The following GABRG3 variants were observed in gnomAD, a reference collection of about 807,000 sequenced individuals.
The protein encoded by GABRG3 is gamma-aminobutyric acid receptor subunit gamma-3.
GABRG3 carries 25 observed loss-of-function variants against 48.8 expected under a neutral mutation model. That is an observed-to-expected ratio of 0.51 (90% CI 0.37 to 0.72). The LOEUF (loss-of-function observed/expected upper bound fraction) is 0.72, where lower values mean the gene tolerates loss of function less well. GABRG3 is among the 30% of genes least tolerant of loss of function. The probability of loss-of-function intolerance (pLI) is 0.00; values close to 1 mark genes in which losing one functional copy is unlikely to be tolerated. For missense variants in GABRG3, 394 were observed against 577.9 expected (o/e 0.68, Z 3.26); for synonymous variants, 227 against 217.6 (o/e 1.04, Z -0.38).
At chr15:26,989,767 C>T (rs1039119285) in intron 2 of GABRG3, among the ~76,000 whole-genome samples, 3 of 152,042 alleles carry the variant, frequency 2.0e-5, no homozygotes, top group Non-Finnish European at 4.4e-5. Context: ...CTGTCCCCAC[C>T]TTCCCCTCCT....
At chr15:27,019,366 A>C (rs929415173) in intron 2 of GABRG3, among the ~76,000 whole-genome samples, 2 of 151,988 alleles carry the variant, frequency 1.3e-5, no homozygotes, top group Admixed American at 1.3e-4. Flanking sequence ...CACCGCGCCC[A>C]GCCTAGAGTC....
chr15:26,974,661 C>T lies in GABRG3; in HGVS notation c.54-2341C>T, dbSNP rs1354472015. Among the ~76,000 whole-genome samples, 1 of 151,916 alleles carries T rather than the reference C, an allele frequency of 6.6e-6. No homozygotes were observed. The highest frequency in any genetic ancestry group is 2.4e-5 in the African/African-American group (1 of 41,320). On this transcript the variant is annotated intron_variant, in intron 1 of 9. Transcript: ENST00000615808. This position sits in a 1 kb window ranked among gnomAD's most constrained non-coding sequence, Gnocchi z 4.3. ...GCCTGATTCTGCTGAGATGAGCTAC[C>T]GGCCTCTCCTCACTGCCCCAGATGC...
At chr15:27,251,061 G>A (rs1890439480) in intron 3 of GABRG3, among the ~76,000 whole-genome samples, 1 of 152,194 alleles carries the variant, frequency 6.6e-6, no homozygotes, top group South Asian at 2.1e-4. Flanking sequence ...GCTCTGACGT[G>A]AATCGACTGC....
intron 3 of GABRG3, among the ~76,000 whole-genome samples, chr15:27,301,822 A>T (rs150212805): frequency 3.7e-4 from 56 of 152,262 alleles, no homozygotes; most frequent in African/African-American, 1.3e-3. Flanking sequence ...GCAGTCAGAT[A>T]AAAATGACAC....
At chr15:27,383,326 G>T (rs1895832240) in intron 5 of GABRG3, among the ~76,000 whole-genome samples, 1 of 152,172 alleles carries the variant, frequency 6.6e-6, no homozygotes, top group African/African-American at 2.4e-5. Context: ...TCTTTCGCTT[G>T]TTGAATCTAG....
At chr15:27,159,851 C>A (rs903399190) in intron 3 of GABRG3, among the ~76,000 whole-genome samples, 3 of 152,170 alleles carry the variant, frequency 2.0e-5, no homozygotes, top group Admixed American at 6.5e-5. Flanking sequence ...GTCCAGAAGG[C>A]GATTAAGTCC....
intron 3 of GABRG3, among the ~76,000 whole-genome samples, chr15:27,165,984 A>G (rs1243620369): frequency 1.3e-5 from 2 of 152,236 alleles, no homozygotes; most frequent in Non-Finnish European, 2.9e-5. Flanking sequence ...GGAGAGCAAG[A>G]CACCAGACAG....
intron 5 of GABRG3, among the ~76,000 whole-genome samples, chr15:27,356,738 T>G (rs1321959672): frequency 1.3e-5 from 2 of 152,172 alleles, no homozygotes; most frequent in African/African-American, 4.8e-5. Flanking sequence ...TAAATCCTGG[T>G]GTACCCACAC....
At chr15:27,378,840 T>C (rs1032085659) in intron 5 of GABRG3, among the ~76,000 whole-genome samples, 1 of 152,150 alleles carries the variant, frequency 6.6e-6, no homozygotes, top group Admixed American at 6.5e-5. Context: ...AGAAAGTTAT[T>C]TGTGAACAGA....
intron 3 of GABRG3, among the ~76,000 whole-genome samples, chr15:27,037,720 C>T (rs942459244): frequency 6.6e-5 from 10 of 152,194 alleles, no homozygotes; most frequent in African/African-American, 2.4e-4. Flanking sequence ...ACTTTCCTCC[C>T]ACCTCCTTCT....
chr15:27,444,240 GA>G (rs770622192), intron 5 of GABRG3, among the ~76,000 whole-genome samples: 2 of 152,062 alleles, frequency 1.3e-5, no homozygotes, highest in Admixed American at 6.5e-5. Context: ...ACTATGTAGT[GA>G]TTTTTTTGTC....
At chr15:27,035,297 T>C (rs1383427399) in intron 3 of GABRG3, among the ~76,000 whole-genome samples, 3 of 152,212 alleles carry the variant, frequency 2.0e-5, no homozygotes. Context: ...TGTTGTCTAT[T>C]GTAGGAATGA....
At chr15:26,996,767 A>C (rs1296482520) in intron 2 of GABRG3, among the ~76,000 whole-genome samples, 2 of 151,950 alleles carry the variant, frequency 1.3e-5, no homozygotes, top group East Asian at 3.9e-4. Flanking sequence ...CTCCTGCCTC[A>C]GCCTCCCGAG....
chr15:27,035,279 G>GCATCTCT (rs1896156540), intron 3 of GABRG3, among the ~76,000 whole-genome samples: 2 of 152,218 alleles, frequency 1.3e-5, no homozygotes, highest in Non-Finnish European at 2.9e-5. Context: ...CCACCTGGTA[G>GCATCTCT]GATGGGGTGT....
At chr15:27,431,286 A>C (rs1234198767) in intron 5 of GABRG3, among the ~76,000 whole-genome samples, 1 of 152,096 alleles carries the variant, frequency 6.6e-6, no homozygotes, top group Admixed American at 6.6e-5. Context: ...GCCATCTGGA[A>C]GTTTTAAAAA....
chr15:27,328,876 A>T lies in GABRG3; in HGVS notation c.562A>T (p.Ile188Phe). Residue 188 changes from isoleucine (I) to phenylalanine (F), a missense_variant, in exon 5 of 10, where the codon ATT becomes TTT. This residue lies in a region of GABRG3 where 218 missense variants were observed against 309.9 expected (regional missense o/e 0.70). Transcript: ENST00000615808. ...FPMDEHSCPL[I>F]FSSYGYPKEE... ...CATGGACGAACACTCCTGCCCGCTG[A>T]TTTTCTCCAGCTGTGAGTACCAGTC... is the stretch of plus-strand genomic sequence containing the variant. The T allele has an allele frequency of 6.2e-7, 1 of 1,613,896 alleles. No individual in the cohort carries two copies. The highest frequency in any genetic ancestry group is 8.5e-7 in the Non-Finnish European group (1 of 1,179,846).
intron 5 of GABRG3, among the ~76,000 whole-genome samples, chr15:27,411,053 T>C (rs1463700001): frequency 2.0e-5 from 3 of 152,178 alleles, no homozygotes; most frequent in Non-Finnish European, 2.9e-5. Flanking sequence ...TATGCCCTTA[T>C]AGATCTTCAG....
At chr15:27,162,473 G>A (rs1887227130) in intron 3 of GABRG3, among the ~76,000 whole-genome samples, 1 of 152,186 alleles carries the variant, frequency 6.6e-6, no homozygotes, top group African/African-American at 2.4e-5. Flanking sequence ...CCACTGTGCA[G>A]CTTTGGTCCT....
At chr15:27,333,755 C>A (rs888104054) in intron 5 of GABRG3, among the ~76,000 whole-genome samples, 4 of 150,330 alleles carry the variant, frequency 2.7e-5, no homozygotes, top group Admixed American at 6.6e-5. Flanking sequence ...ATGCCACTCA[C>A]AATTCTCAGA....
Sources: allele counts gnomAD v4.1 joint callset (sites outside exome capture counted in the v4.1 genomes callset), GRCh38; gene constraint gnomAD v4.1.1; regional missense constraint gnomAD v4.1.1; non-coding constraint Gnocchi (gnomAD v3.1); transcripts MANE v1.5; gene names NCBI Gene and HGNC (gene_info 2026-07-23, HGNC 2026-07-21).